The following SIPA1L3 variants were observed in gnomAD, a reference collection of about 807,000 sequenced individuals.
The protein encoded by SIPA1L3 is signal-induced proliferation-associated 1-like protein 3.
SIPA1L3 carries 59 observed loss-of-function variants against 150.1 expected under a neutral mutation model. The observed-to-expected ratio is 0.39, with a 90% confidence interval of 0.32 to 0.49. The LOEUF (loss-of-function observed/expected upper bound fraction) is 0.49, where lower values mean the gene tolerates loss of function less well. Among genes scored for constraint, SIPA1L3 ranks in the 20% least tolerant of loss-of-function variants. The pLI, the probability that SIPA1L3 is intolerant of heterozygous loss-of-function variation, is 0.86. For missense variants in SIPA1L3, 2,211 were observed against 2,489.5 expected, an observed-to-expected ratio of 0.89 and a Z score of 2.38; for synonymous variants, 1,070 against 1,077.6, an observed-to-expected ratio of 0.99 and a Z score of 0.14.
At position 38,024,043 on chromosome 19, in the gene SIPA1L3, G is replaced by A. The variant is rs544492828; in HGVS notation, c.-378-5046G>A. ...GGAGGGGGGTGGACGAGGTAAAGGG[G>A]AGTGAAGAGGTATGAGCGGATGATC... On this transcript the variant is annotated intron_variant, in intron 1 of 21. Transcript: ENST00000222345. Among the ~76,000 whole-genome samples, 8 of 152,282 alleles carry A rather than the reference G, an allele frequency of 5.3e-5. No homozygotes were observed. The South Asian group carries it at 1.4e-3, about 28-fold the overall frequency.
intron 13 of SIPA1L3, among the ~76,000 whole-genome samples, chr19:38,159,649 C>T (rs1005849189): frequency 2.6e-5 from 4 of 152,244 alleles, no homozygotes; most frequent in East Asian, 1.9e-4. Flanking sequence ...TAGGCCAATC[C>T]GAGCCACACG....
chr19:38,193,953 G>C (rs552422675), intron 18 of SIPA1L3, among the ~76,000 whole-genome samples, 173 bp downstream of exon 18: 1 of 152,220 alleles, frequency 6.6e-6, no homozygotes, highest in Non-Finnish European at 1.5e-5. Context: ...TGGGGCACTG[G>C]GTGTCACCCA....
chr19:38,206,439 G>C lies in SIPA1L3; in HGVS notation c.*199G>C. 1 of 617,060 alleles carries C rather than the reference G, an allele frequency of 1.6e-6. No homozygotes were observed. The highest frequency in any genetic ancestry group is 2.3e-5 in the South Asian group (1 of 42,670). The allele number at this position is 617,060 out of a possible 1,614,324, so 38.2% of individuals were successfully genotyped here. Reference sequence around the variant, plus strand: ...GCACAGCCCTCATGCCCCAGAGGGCGAAGTGGTCTCAGGCCTCCCTCCAAG... The same window carrying C: ...GCACAGCCCTCATGCCCCAGAGGGCCAAGTGGTCTCAGGCCTCCCTCCAAG... On this transcript the variant is annotated 3_prime_UTR_variant, in exon 22 of 22. Coordinates refer to ENST00000222345, the MANE Select transcript of SIPA1L3 (RefSeq NM_015073.3).
chr19:38,072,118 C>T (rs1969735458), intron 2 of SIPA1L3, among the ~76,000 whole-genome samples: 1 of 152,200 alleles, frequency 6.6e-6, no homozygotes, highest in African/African-American at 2.4e-5. Context: ...GACTGTCTGA[C>T]TTGAGGTAAG....
chr19:37,961,688 AC>A (rs2046859828), intron 1 of SIPA1L3, among the ~76,000 whole-genome samples: 1 of 151,994 alleles, frequency 6.6e-6, no homozygotes, highest in Non-Finnish European at 1.5e-5. Flanking sequence ...TTGGGCTATT[AC>A]TTGTTCAGAT....
chr19:37,935,231 G>A (rs1412269836), intron 1 of SIPA1L3, among the ~76,000 whole-genome samples: 1 of 152,098 alleles, frequency 6.6e-6, no homozygotes. Flanking sequence ...ATCACACTTA[G>A]CCAGATTAGT....
chr19:38,130,680 A>G lies in SIPA1L3; in HGVS notation c.3051A>G (p.Thr1017=), dbSNP rs368560359. 5.0e-6 allele frequency: 8 copies of G among 1,613,942 alleles called. No individual in the cohort carries two copies. The highest frequency in any genetic ancestry group is 2.2e-5 in the East Asian group (1 of 44,892). ...AGATCTGCAAGGTGGCCGTGGTCAC[A>G]CTGACCCACGACCAGATGATCGACC... The part of the protein sequence containing the change: ...LVEICKVAVV[T]LTHDQMIDLL... The change falls in exon 10 of 22, where the codon ACA becomes ACG. Residue 1017 remains threonine (T), a synonymous_variant. Transcript: ENST00000222345.
chr19:38,164,802 A>C lies in SIPA1L3; in HGVS notation c.4104A>C (p.Ala1368=), dbSNP rs778732162. The C allele has an allele frequency of 1.2e-6, 2 of 1,611,532 alleles. No individual in the cohort carries two copies. Among genetic ancestry groups the C allele is most frequent in the Non-Finnish European group, 1.7e-6 (2 of 1,178,908 alleles). The change falls in exon 15 of 22, where the codon GCA becomes GCC. Residue 1368 remains alanine (A), a synonymous_variant. Coordinates refer to ENST00000222345, the MANE Select transcript of SIPA1L3 (RefSeq NM_015073.3). This position sits in a 1 kb window ranked among gnomAD's most constrained non-coding sequence, Gnocchi z 4.1. Reference sequence around the variant, plus strand: ...GGCGGGAGGTCTCCCCTGCCCCCGCAGTTGCCGGCCAAAGCAAGGGCTACC... The same window carrying C: ...GGCGGGAGGTCTCCCCTGCCCCCGCCGTTGCCGGCCAAAGCAAGGGCTACC... The part of the protein sequence containing the change: ...DRRREVSPAP[A]VAGQSKGYRP...
chr19:38,006,386 T>C (rs898989223), intron 1 of SIPA1L3, among the ~76,000 whole-genome samples: 73 of 152,078 alleles, frequency 4.8e-4, no homozygotes, highest in African/African-American at 1.7e-3. Flanking sequence ...CATCACGCCT[T>C]TTACCTTCTA....
chr19:38,157,824 A>G (rs2145971062), intron 13 of SIPA1L3, among the ~76,000 whole-genome samples: 1 of 152,302 alleles, frequency 6.6e-6, no homozygotes, highest in Non-Finnish European at 1.5e-5. Context: ...GCTGGGCGCC[A>G]GGGATACCGG....
chr19:37,991,565 G>C (rs1409633405), intron 1 of SIPA1L3, among the ~76,000 whole-genome samples: 1 of 152,230 alleles, frequency 6.6e-6, no homozygotes, highest in Non-Finnish European at 1.5e-5. Context: ...AAAGCCCTGG[G>C]CTGGCTTATG....
chr19:38,044,275 A>G (rs1381662916), intron 2 of SIPA1L3, among the ~76,000 whole-genome samples: 1 of 152,184 alleles, frequency 6.6e-6, no homozygotes, highest in African/African-American at 2.4e-5. Flanking sequence ...TGAGATGGCA[A>G]GGAGACAGTT....
intron 1 of SIPA1L3, among the ~76,000 whole-genome samples, chr19:37,974,817 C>A (rs1432798590): frequency 6.6e-6 from 1 of 152,184 alleles, no homozygotes; most frequent in Non-Finnish European, 1.5e-5. Context: ...TGGAATCTCT[C>A]CATTCCCCAT....
chr19:38,162,458 A>C, intron 14 of SIPA1L3, 87 bp downstream of exon 14: 1 of 876,568 alleles, frequency 1.1e-6, no homozygotes. Context: ...CACATCCTCA[A>C]CCTCTGCCAC....
chr19:38,177,576 ATATG>A (rs1468852992), intron 15 of SIPA1L3, among the ~76,000 whole-genome samples: 1 of 152,116 alleles, frequency 6.6e-6, no homozygotes, highest in Non-Finnish European at 1.5e-5. Context: ...TTCTCTATAC[ATATG>A]TGTGTATATC....
intron 9 of SIPA1L3, among the ~76,000 whole-genome samples, chr19:38,125,983 C>T (rs1483223396): frequency 6.6e-6 from 1 of 152,152 alleles, no homozygotes; most frequent in Non-Finnish European, 1.5e-5. Context: ...ACCATCCTGG[C>T]CAACATGGTG....
intron 1 of SIPA1L3, among the ~76,000 whole-genome samples, chr19:38,002,462 C>T (rs1055237797): frequency 2.0e-5 from 3 of 152,080 alleles, no homozygotes; most frequent in Non-Finnish European, 4.4e-5. Context: ...TGGCCAGGTG[C>T]GGTGGCTCAC....
At chr19:38,186,603 C>T (rs939574394) in intron 16 of SIPA1L3, among the ~76,000 whole-genome samples, 2 of 151,718 alleles carry the variant, frequency 1.3e-5, no homozygotes, top group Non-Finnish European at 2.9e-5. Context: ...ATCCGCCCCC[C>T]CTTGGCCTCC....
rs540280361 is a variant in SIPA1L3 at position 38,064,502 on chromosome 19, G to GC, written c.-310-16752dup. Among the ~76,000 whole-genome samples the GC allele has an allele frequency of 6.6e-4, 100 of 152,362 alleles. 1 individual carries two copies. The South Asian group carries it at 0.012, about 18-fold the overall frequency. On this transcript the variant is annotated intron_variant, in intron 2 of 21. Coordinates refer to ENST00000222345, the MANE Select transcript of SIPA1L3 (RefSeq NM_015073.3). ...ACCTGAGGTCAGGAGTTTGAGACCA[G>GC]CCTGGCCAACATGGCAAAACCCCAT...
Sources: gnomAD v4.1 joint callset for allele counts (sites outside exome capture counted in the v4.1 genomes callset) on GRCh38, gnomAD v4.1.1 for gene constraint, Gnocchi (gnomAD v3.1) non-coding constraint, MANE v1.5 for transcripts, NCBI Gene and HGNC (gene_info 2026-07-23, HGNC 2026-07-21) for gene names.